RABGAP1: variants seen among roughly 807,000 people sequenced by gnomAD.
RABGAP1 encodes the protein rab GTPase-activating protein 1.
Under a neutral mutation model 137.6 loss-of-function variants are expected in RABGAP1, and 23 were observed. That is an observed-to-expected ratio of 0.17 (90% confidence interval 0.12 to 0.24). The LOEUF is 0.24. RABGAP1 is among the 10% of genes least tolerant of loss of function. The probability of loss-of-function intolerance (pLI) is 1.00; values close to 1 mark genes in which losing one functional copy is unlikely to be tolerated. For missense variants in RABGAP1, 906 were observed against 1,275.8 expected (o/e 0.71, Z 4.42); for synonymous variants, 451 against 450.7 (o/e 1.00, Z -0.01).
intron 1 of RABGAP1, among the ~76,000 whole-genome samples, chr9:122,951,870 G>A (rs1299978171): frequency 6.6e-6 from 1 of 152,128 alleles, no homozygotes; most frequent in Non-Finnish European, 1.5e-5. Context: ...ACTGCTCCTG[G>A]CTAATTGTGA....
At chr9:122,985,778 T>TA (rs1194475838) in intron 3 of RABGAP1, among the ~76,000 whole-genome samples, 1 of 152,164 alleles carries the variant, frequency 6.6e-6, no homozygotes, top group Non-Finnish European at 1.5e-5. Flanking sequence ...CTAATAGCAC[T>TA]ATATTTTGAG....
At chr9:123,061,452 A>G (rs1257693080) in intron 13 of RABGAP1, among the ~76,000 whole-genome samples, 9 of 152,216 alleles carry the variant, frequency 5.9e-5, no homozygotes, top group Admixed American at 5.9e-4. Context: ...GTTAGGACAC[A>G]GCAGTGCTTG....
intron 2 of RABGAP1, among the ~76,000 whole-genome samples, chr9:122,973,850 A>G (rs942746140): frequency 4.6e-5 from 7 of 151,892 alleles, no homozygotes; most frequent in African/African-American, 1.7e-4. Flanking sequence ...TCTCTACTAA[A>G]AATACAAAAA....
At chr9:123,005,639 T>C (rs7042282) in intron 10 of RABGAP1, among the ~76,000 whole-genome samples, 4 of 152,216 alleles carry the variant, frequency 2.6e-5, no homozygotes, top group African/African-American at 9.7e-5. Context: ...GGATGAACTA[T>C]GGGCTTTTCA....
intron 2 of RABGAP1, among the ~76,000 whole-genome samples, chr9:122,983,797 A>G (rs1236221962): frequency 6.6e-6 from 1 of 152,228 alleles, no homozygotes; most frequent in Non-Finnish European, 1.5e-5. Flanking sequence ...GGCATTGGGC[A>G]GTCTCCACTG....
At chr9:123,102,425 C>G (rs931586748) in intron 25 of RABGAP1, among the ~76,000 whole-genome samples, 3 of 152,172 alleles carry the variant, frequency 2.0e-5, no homozygotes, top group Admixed American at 1.3e-4. Flanking sequence ...GGCACACATT[C>G]ACTGGGCATC....
At chr9:123,020,134 A>T (rs1380044660) in intron 12 of RABGAP1, among the ~76,000 whole-genome samples, 175 bp from the exon 13 acceptor site, 3 of 151,780 alleles carry the variant, frequency 2.0e-5, no homozygotes, top group African/African-American at 7.3e-5. Context: ...TCTTCCACCC[A>T]ATCTCTCTTA....
rs541443324 is a variant in RABGAP1 at position 123,000,263 on chromosome 9, C to T, written c.1374+1497C>T. On this transcript the variant is annotated intron_variant, in intron 10 of 25. Coordinates refer to ENST00000373647, the MANE Select transcript of RABGAP1 (RefSeq NM_012197.4). ...GTCTTGATTTTTTTTTTTCTTAAATCGGGCAGTTAACTTGATCAAAGTTAA... is the reference window on the plus strand; with the variant it reads ...GTCTTGATTTTTTTTTTTCTTAAATTGGGCAGTTAACTTGATCAAAGTTAA... Among the ~76,000 whole-genome samples, 6 of 151,172 alleles carry T rather than the reference C, an allele frequency of 4.0e-5. No individual in the cohort carries two copies. The East Asian group carries it at 7.8e-4, about 20-fold the overall frequency.
At chr9:123,098,842 C>G in intron 23 of RABGAP1, 44 bp downstream of exon 23, 1 of 1,497,490 alleles carries the variant, frequency 6.7e-7, no homozygotes, top group Non-Finnish European at 9.2e-7. Flanking sequence ...ATCTGGGAGC[C>G]CCTAGTCTGG....
intron 19 of RABGAP1, among the ~76,000 whole-genome samples, chr9:123,086,359 T>A (rs922344825): frequency 2.0e-5 from 3 of 152,206 alleles, no homozygotes; most frequent in Admixed American, 2.0e-4. Context: ...TTCTGGGTAC[T>A]CGCTATACAT....
At chr9:122,964,523 A>G (rs957315981) in intron 2 of RABGAP1, among the ~76,000 whole-genome samples, 2 of 152,180 alleles carry the variant, frequency 1.3e-5, no homozygotes, top group South Asian at 4.1e-4. Flanking sequence ...ACACCATTTC[A>G]TGAAAAAAAG....
chr9:123,035,690 T>A (rs993055275), intron 13 of RABGAP1: 12 of 846,516 alleles, frequency 1.4e-5, no homozygotes, highest in African/African-American at 5.1e-5. Flanking sequence ...GTGTATTTTA[T>A]CTCTAAGTAT....
intron 15 of RABGAP1, 121 bp from the exon 16 acceptor site, chr9:123,073,431 A>T: frequency 7.9e-7 from 1 of 1,263,930 alleles, no homozygotes; most frequent in South Asian, 1.5e-5. Flanking sequence ...TCTGCATAGC[A>T]CTAAATTTTC....
chr9:123,025,775 T>C lies in RABGAP1; in HGVS notation c.1794+5316T>C, dbSNP rs763856404. Among the ~76,000 whole-genome samples, 21 of 152,020 alleles carry C rather than the reference T, an allele frequency of 1.4e-4. 1 individual carries two copies. The highest frequency in any genetic ancestry group is 3.1e-4 in the Non-Finnish European group (21 of 67,982). ...ATATTTTGATTAATTGTCCTAACTT[T>C]ATATCGTCATCTTTTGAGATTTTCA... On this transcript the variant is annotated intron_variant, in intron 13 of 25. Transcript: ENST00000373647.
At chr9:123,069,512 A>G (rs551225373) in intron 14 of RABGAP1, among the ~76,000 whole-genome samples, 1 of 151,830 alleles carries the variant, frequency 6.6e-6, no homozygotes, top group South Asian at 2.1e-4. Context: ...CTGAGGCAGT[A>G]GGATCACTTG....
chr9:122,980,815 G>C (rs983513206), intron 2 of RABGAP1, among the ~76,000 whole-genome samples: 1 of 152,164 alleles, frequency 6.6e-6, no homozygotes, highest in Non-Finnish European at 1.5e-5. Flanking sequence ...ACATCTCATG[G>C]GGTGCAAAAT....
chr9:122,977,160 A>G (rs2047986356), intron 2 of RABGAP1, among the ~76,000 whole-genome samples: 1 of 152,226 alleles, frequency 6.6e-6, no homozygotes, highest in Non-Finnish European at 1.5e-5. Flanking sequence ...TGGCAATTAT[A>G]AGTTGAATGG....
intron 13 of RABGAP1, among the ~76,000 whole-genome samples, chr9:123,028,835 C>T (rs1349081347): frequency 1.3e-5 from 2 of 152,206 alleles, no homozygotes; most frequent in South Asian, 2.1e-4. Flanking sequence ...ATTTAACATT[C>T]ATACGCTTTG....
chr9:123,053,602 A>G (rs551662700), intron 13 of RABGAP1, among the ~76,000 whole-genome samples: 15 of 152,308 alleles, frequency 9.8e-5, no homozygotes, highest in African/African-American at 3.6e-4. Context: ...TGTGAAGTAT[A>G]TTGTAAAGAT....
Sources: gnomAD v4.1 joint callset for allele counts (sites outside exome capture counted in the v4.1 genomes callset) on GRCh38, gnomAD v4.1.1 for gene constraint, MANE v1.5 for transcripts, NCBI Gene and HGNC (gene_info 2026-07-23, HGNC 2026-07-21) for gene names.